The following KIAA0586 variants were observed in gnomAD, a reference collection of about 807,000 sequenced individuals.
The protein encoded by KIAA0586 is KIAA0586, also known as protein TALPID3.
A neutral mutation model predicts 169.8 loss-of-function variants in KIAA0586; 144 were observed. That is an observed-to-expected ratio of 0.85 (90% CI 0.74 to 0.97). KIAA0586 has a LOEUF of 0.97. Among genes scored for constraint, KIAA0586 ranks in the 50% least tolerant of loss-of-function variants. The pLI is 0.00. For missense variants in KIAA0586, 1,854 were observed against 1,823.0 expected (o/e 1.02, Z -0.31); for synonymous variants, 625 against 612.4 (o/e 1.02, Z -0.30).
intron 14 of KIAA0586, among the ~76,000 whole-genome samples, chr14:58,462,475 A>G (rs1034692933): frequency 1.4e-5 from 2 of 147,878 alleles, no homozygotes; most frequent in Non-Finnish European, 3.0e-5. Context: ...CTCGTCTTGA[A>G]CTCCTGACCT....
At chr14:58,555,099 C>CTTTTTTTTTTT (rs35845234), downstream of KIAA0586, among the ~76,000 whole-genome samples, 4 of 102,556 alleles carry the variant, frequency 3.9e-5, no homozygotes, top group Non-Finnish European at 5.5e-5. Context: ...TTCTTTCTTT[C>CTTTTTTTTTTT]TTTTTTTTTT....
intron 20 of KIAA0586, among the ~76,000 whole-genome samples, chr14:58,478,862 T>G (rs1014194262): frequency 6.6e-6 from 1 of 152,222 alleles, no homozygotes; most frequent in African/African-American, 2.4e-5. Context: ...TTAGCTGGCT[T>G]CTTTTATTAG....
At chr14:58,454,022 A>C (rs950683097) in intron 9 of KIAA0586, among the ~76,000 whole-genome samples, 1 of 152,136 alleles carries the variant, frequency 6.6e-6, no homozygotes, top group Admixed American at 6.5e-5. Flanking sequence ...TGTATAGTCT[A>C]TTTACATGTA....
intron 24 of KIAA0586, 130 bp downstream of exon 24, chr14:58,489,004 T>A: frequency 1.1e-6 from 1 of 910,072 alleles, no homozygotes; most frequent in Non-Finnish European, 1.6e-6. Flanking sequence ...AATAGGGGAC[T>A]CAATGCAATT....
In KIAA0586 at chr14:58,549,230, A is replaced by G. The variant is rs140915573; in HGVS notation, c.*1298A>G. 3 of 152,134 alleles carry G rather than the reference A, an allele frequency of 2.0e-5. No individual in the cohort carries two copies. Among genetic ancestry groups the G allele is most frequent in the African/African-American group, 7.2e-5 (3 of 41,402 alleles). The allele number at this position is 152,134 out of a possible 1,614,324, so 9.4% of individuals were successfully genotyped here. A position where few individuals can be genotyped will look rare whatever the true frequency, so the allele number is the denominator to read the frequency against. On this transcript the variant is annotated 3_prime_UTR_variant, in exon 31 of 31. Transcript: ENST00000652326. ...TTTTGTAGGTTGCTAAGTGGATCTC[A>G]GCACTGGCAGCACATTAGAACCTCT...
At chr14:58,518,993 G>A (rs1007825562) in intron 29 of KIAA0586, among the ~76,000 whole-genome samples, 4 of 152,140 alleles carry the variant, frequency 2.6e-5, no homozygotes, top group Non-Finnish European at 5.9e-5. Context: ...TTAGCCGGAC[G>A]TGGTGGCACA....
chr14:58,500,455 C>T (rs1290362355), intron 27 of KIAA0586, among the ~76,000 whole-genome samples: 1 of 152,040 alleles, frequency 6.6e-6, no homozygotes, highest in African/African-American at 2.4e-5. Context: ...GCCTGTAATC[C>T]AGCACTTTGG....
intron 28 of KIAA0586, among the ~76,000 whole-genome samples, chr14:58,510,680 A>T (rs965488317): frequency 6.6e-6 from 1 of 152,230 alleles, no homozygotes; most frequent in African/African-American, 2.4e-5. Context: ...GTGAATGTTC[A>T]TACAACCTTA....
At chr14:58,490,544 T>A (rs1472462911) in intron 25 of KIAA0586, among the ~76,000 whole-genome samples, 2 of 152,198 alleles carry the variant, frequency 1.3e-5, no homozygotes, top group African/African-American at 4.8e-5. Flanking sequence ...TTACAATATT[T>A]AAGCAGGATC....
Position 58,459,918 on chromosome 14 carries a change from A to G in KIAA0586, c.1732A>G (p.Met578Val), listed in dbSNP as rs1337031281. The change falls in exon 13 of 31, where the codon ATG (methionine) becomes GTG (valine). Residue 578 changes from methionine (M) to valine (V), a missense_variant. Met to Val is a conservative substitution (Grantham distance 21). Transcript: ENST00000652326. Reference protein sequence around the residue: ...KNQRTKKGQNMTKDIRTNTQD... With the variant: ...KNQRTKKGQNVTKDIRTNTQD... ...TCAGAGAACCAAGAAAGGTCAGAAT[A>G]TGACTAAAGATATTAGAACCAACAC... 6.5e-7 allele frequency: 1 copy of G among 1,533,736 alleles called. No individual in the cohort carries two copies. Among genetic ancestry groups the G allele is most frequent in the Non-Finnish European group, 8.7e-7 (1 of 1,145,248 alleles).
chr14:58,519,782 G>A (rs1226491871), intron 29 of KIAA0586, among the ~76,000 whole-genome samples: 1 of 152,068 alleles, frequency 6.6e-6, no homozygotes, highest in Non-Finnish European at 1.5e-5. Flanking sequence ...AAATGTTCAT[G>A]GAATTGAATT....
intron 15 of KIAA0586, 96 bp from the exon 16 acceptor site, chr14:58,467,639 A>G (rs912281104): frequency 1.1e-6 from 1 of 876,960 alleles, no homozygotes; most frequent in Admixed American, 2.4e-5. Context: ...GGCTTTTTTA[A>G]ATATGAGAAT....
At chr14:58,506,491 A>G (rs1294005482) in intron 27 of KIAA0586, among the ~76,000 whole-genome samples, 2 of 151,766 alleles carry the variant, frequency 1.3e-5, no homozygotes, top group African/African-American at 2.4e-5. Flanking sequence ...GTTCAAGACC[A>G]GCCTGGCCAA....
chr14:58,472,372 T>A, intron 18 of KIAA0586, 93 bp downstream of exon 18: 1 of 545,116 alleles, frequency 1.8e-6, no homozygotes, highest in South Asian at 3.8e-5. Context: ...TATGTTACAG[T>A]GCTTTGAGAT....
At chr14:58,538,419 A>G (rs1595534385) in intron 29 of KIAA0586, among the ~76,000 whole-genome samples, 1 of 152,040 alleles carries the variant, frequency 6.6e-6, no homozygotes, top group Non-Finnish European at 1.5e-5. Flanking sequence ...AATTTTTTTA[A>G]TTTTTAGTAT....
intron 25 of KIAA0586, 88 bp from the exon 26 acceptor site, chr14:58,492,056 C>G: frequency 1.9e-6 from 2 of 1,072,376 alleles, no homozygotes; most frequent in South Asian, 1.9e-5. Context: ...CATCTCATGA[C>G]TGATAAGTTT....
intron 9 of KIAA0586, among the ~76,000 whole-genome samples, 162 bp from the exon 10 acceptor site, chr14:58,456,540 A>T (rs558366772): frequency 2.0e-3 from 308 of 152,344 alleles, no homozygotes; most frequent in Non-Finnish European, 3.5e-3. Flanking sequence ...GTTTAATCAC[A>T]TAACTGATTA....
chr14:58,438,828 T>C (rs946745736), intron 4 of KIAA0586, among the ~76,000 whole-genome samples: 23 of 151,938 alleles, frequency 1.5e-4, no homozygotes, highest in African/African-American at 5.6e-4. Context: ...AAGTGTGGAG[T>C]CACTTGTGGG....
At position 58,488,679 on chromosome 14, in the gene KIAA0586, C is replaced by T; in HGVS notation, c.3586C>T (p.Pro1196Ser). Residue 1196 changes from proline to serine, a missense_variant, in exon 24 of 31, where the codon CCA becomes TCA. Pro to Ser is a moderately conservative substitution (Grantham distance 74). Transcript: ENST00000652326. ...PESMDFPAQPPPPEPVPFMPF... is the reference protein window; with the variant it reads ...PESMDFPAQPSPPEPVPFMPF... The stretch of plus-strand genomic sequence containing the variant: ...GAGTATGGATTTCCCTGCTCAGCCT[C>T]CACCTCCAGAGCCAGTTCCCTTTAT... The T allele has an allele frequency of 6.2e-7, 1 of 1,613,892 alleles. No homozygotes were observed. Among genetic ancestry groups the T allele is most frequent in the East Asian group, 2.2e-5 (1 of 44,878 alleles).
Sources: allele counts gnomAD v4.1 joint callset (sites outside exome capture counted in the v4.1 genomes callset), GRCh38; gene constraint gnomAD v4.1.1; transcripts MANE v1.5; gene names NCBI Gene and HGNC (gene_info 2026-07-23, HGNC 2026-07-21).